The following LCT variants were observed in gnomAD, a reference collection of about 807,000 sequenced individuals.
The protein encoded by LCT is lactase/phlorizin hydrolase.
A neutral mutation model predicts 173.0 loss-of-function variants in LCT; 90 were observed. That is an observed-to-expected ratio of 0.52 (90% confidence interval 0.44 to 0.62). LCT has a LOEUF of 0.62. LCT is among the 20% of genes least tolerant of loss of function. The probability of loss-of-function intolerance (pLI) is 0.00; values close to 1 mark genes in which losing one functional copy is unlikely to be tolerated. For missense variants in LCT, 1,864 were observed against 2,431.4 expected, an observed-to-expected ratio of 0.77 and a Z score of 4.91; for synonymous variants, 853 against 957.6, an observed-to-expected ratio of 0.89 and a Z score of 2.02.
In LCT at chr2:135,788,039, A is replaced by G. The variant is rs1175762341; in HGVS notation, c.*285T>C. 9 of 448,468 alleles carry G rather than the reference A, an allele frequency of 2.0e-5. No individual in the cohort carries two copies. The highest frequency in any genetic ancestry group is 3.3e-5 in the Non-Finnish European group (8 of 242,334). The allele number at this position is 448,468 out of a possible 1,614,324, so 27.8% of individuals were successfully genotyped here. On this transcript the variant is annotated 3_prime_UTR_variant, in exon 17 of 17. Transcript: ENST00000264162. ...AACTTAAAACAGCCCTGTTAAGTTC[A>G]ATTAAGTGGTTCACAGACCCACTAG...
chr2:135,795,030 C>T (rs796883901), intron 13 of LCT, among the ~76,000 whole-genome samples: 1 of 81,340 alleles, frequency 1.2e-5, no homozygotes, highest in Non-Finnish European at 2.4e-5. Context: ...CACACACGCA[C>T]CCACGCGCGC....
chr2:135,821,159 G>T (rs938788991), intron 5 of LCT, among the ~76,000 whole-genome samples: 1 of 152,176 alleles, frequency 6.6e-6, no homozygotes, highest in African/African-American at 2.4e-5. Context: ...GGGATTACAG[G>T]CGTGAGCCAC....
chr2:135,792,722 C>T (rs1246535504), intron 14 of LCT, among the ~76,000 whole-genome samples: 1 of 152,222 alleles, frequency 6.6e-6, no homozygotes, highest in Non-Finnish European at 1.5e-5. Context: ...TATTCCCCCA[C>T]AGTGGCCACA....
chr2:135,815,883 GA>G (rs1440495684), intron 6 of LCT, among the ~76,000 whole-genome samples: 11 of 152,080 alleles, frequency 7.2e-5, no homozygotes, highest in Admixed American at 4.6e-4. Flanking sequence ...TATTTTAGTA[GA>G]GACAGGATTT....
At chr2:135,794,061 C>T (rs1347394592) in intron 14 of LCT, among the ~76,000 whole-genome samples, 1 of 151,824 alleles carries the variant, frequency 6.6e-6, no homozygotes, top group African/African-American at 2.4e-5. Context: ...ATCACTGGAA[C>T]CCGGGTGGTG....
intron 9 of LCT, among the ~76,000 whole-genome samples, chr2:135,805,768 C>T (rs574945319): frequency 2.0e-5 from 3 of 152,334 alleles, no homozygotes; most frequent in Admixed American, 1.3e-4. Flanking sequence ...GGAGCTGAAA[C>T]ATTCCTATTG....
intron 14 of LCT, 45 bp downstream of exon 14, chr2:135,794,596 T>G: frequency 6.2e-7 from 1 of 1,607,466 alleles, no homozygotes; most frequent in Non-Finnish European, 8.5e-7. Context: ...GGCACCTTTC[T>G]GCCTTTTCCA....
chr2:135,832,132 C>T (rs949573222), intron 2 of LCT, among the ~76,000 whole-genome samples: 1 of 152,010 alleles, frequency 6.6e-6, no homozygotes, highest in African/African-American at 2.4e-5. Flanking sequence ...AGGAGAATCA[C>T]TTGAATCCAG....
intron 1 of LCT, among the ~76,000 whole-genome samples, chr2:135,834,151 GC>G (rs2077963316): frequency 6.6e-6 from 1 of 151,908 alleles, no homozygotes; most frequent in Admixed American, 6.6e-5. Flanking sequence ...CCACCTTTTG[GC>G]TATTGTGAAT....
At position 135,812,632 on chromosome 2, in the gene LCT, C is replaced by A. The variant is rs1288915274; in HGVS notation, c.2032G>T (p.Ala678Ser). 5 of 1,611,036 alleles carry A rather than the reference C, an allele frequency of 3.1e-6. No homozygotes were observed. The highest frequency in any genetic ancestry group is 4.2e-6 in the Non-Finnish European group (5 of 1,177,470). Residue 678 changes from alanine to serine, a missense_variant, in exon 7 of 17, where the codon GCT becomes TCT. Physicochemically the swap from Ala to Ser is moderately conservative, Grantham distance 99 (BLOSUM62 1). Coordinates refer to ENST00000264162, the MANE Select transcript of LCT (RefSeq NM_002299.4). ...TAATGCGACAGACCCAGAAAATCAG[C>A]AGAGCCTTTCAGGAGCTGCTTCTCT... ...EAEKQLLKGSADFLGLSHYTS... is the reference protein window; with the variant it reads ...EAEKQLLKGSSDFLGLSHYTS...
intron 9 of LCT, among the ~76,000 whole-genome samples, 165 bp downstream of exon 9, chr2:135,806,963 A>T (rs1575337456): frequency 1.3e-5 from 2 of 152,198 alleles, no homozygotes; most frequent in East Asian, 3.9e-4. Context: ...TGGGGGTGTG[A>T]AGAAGCCAGG....
chr2:135,812,148 C>T (rs1425432755), intron 7 of LCT, among the ~76,000 whole-genome samples, 163 bp downstream of exon 7: 2 of 152,108 alleles, frequency 1.3e-5, no homozygotes, highest in African/African-American at 2.4e-5. Flanking sequence ...ATGAATGAAC[C>T]TTGGGAAAGA....
chr2:135,797,016 C>T (rs377687599), intron 13 of LCT, among the ~76,000 whole-genome samples: 3 of 148,010 alleles, frequency 2.0e-5, no homozygotes, highest in Non-Finnish European at 3.0e-5. Flanking sequence ...GGCATGATCT[C>T]GGCTCACTGC....
intron 9 of LCT, 97 bp from the exon 10 acceptor site, chr2:135,805,154 C>A (rs2077659356): frequency 8.3e-7 from 1 of 1,203,538 alleles, no homozygotes; most frequent in Admixed American, 1.7e-5. Flanking sequence ...GACGTTTACT[C>A]TTTTGTGATA....
At position 135,833,232 on chromosome 2, in the gene LCT, A is replaced by G. The variant is rs369009738; in HGVS notation, c.641-42T>C. The G allele has an allele frequency of 2.7e-5, 39 of 1,446,508 alleles. No individual in the cohort carries two copies. The African/African-American group carries it at 4.7e-4, about 17-fold the overall frequency. 89.6% of individuals were successfully genotyped at this position (1,446,508 alleles called of 1,614,324 possible). A position where few individuals can be genotyped will look rare whatever the true frequency, so the allele number is the denominator to read the frequency against. ...ACACGAACAGCAGGTGAGCGAGGGC[A>G]GGAGGCTCTGACTGTGGAAACCACT... is the stretch of plus-strand genomic sequence containing the variant. On this transcript the variant is annotated intron_variant, in intron 1 of 16. Coordinates refer to ENST00000264162, the MANE Select transcript of LCT (RefSeq NM_002299.4).
At chr2:135,831,895 C>A (rs570881481) in intron 2 of LCT, among the ~76,000 whole-genome samples, 5 of 152,258 alleles carry the variant, frequency 3.3e-5, no homozygotes, top group African/African-American at 9.6e-5. Context: ...CTGTTCACTT[C>A]CCAGATTATT....
intron 12 of LCT, among the ~76,000 whole-genome samples, chr2:135,798,748 C>G (rs2077602290): frequency 6.6e-6 from 1 of 152,160 alleles, no homozygotes; most frequent in South Asian, 2.1e-4. Flanking sequence ...GTTTGAGAGC[C>G]TTCTGTAGTC....
In LCT at chr2:135,807,400, G is replaced by C; in HGVS notation, c.3905-4C>G. The C allele has an allele frequency of 6.2e-7, 1 of 1,614,050 alleles. No individual in the cohort carries two copies. The highest frequency in any genetic ancestry group is 1.7e-4 in the Middle Eastern group (1 of 6,056). On this transcript the variant is annotated splice_region_variant and splice_polypyrimidine_tract_variant and intron_variant, in intron 8 of 16. Coordinates refer to ENST00000264162, the MANE Select transcript of LCT (RefSeq NM_002299.4). ...TCTATACCATCGAGCCTGTAGGCTG[G>C]GAACATCCCAAAGGGAGCAGAGGAG... is the stretch of plus-strand genomic sequence containing the variant.
At chr2:135,810,919 C>T (rs1188784547) in intron 7 of LCT, among the ~76,000 whole-genome samples, 2 of 151,516 alleles carry the variant, frequency 1.3e-5, no homozygotes, top group Admixed American at 1.3e-4. Context: ...CCCAGCTACT[C>T]AGGAGGCTGA....
Sources: allele counts gnomAD v4.1 joint callset (sites outside exome capture counted in the v4.1 genomes callset), GRCh38; gene constraint gnomAD v4.1.1; transcripts MANE v1.5; gene names NCBI Gene and HGNC (gene_info 2026-07-23, HGNC 2026-07-21).